ZNF823: variants seen among roughly 807,000 people sequenced by gnomAD.
ZNF823 encodes zinc finger protein 823.
A neutral mutation model predicts 11.4 loss-of-function variants in ZNF823; 5 were observed. The observed-to-expected ratio is 0.44, with a 90% CI of 0.23 to 0.92. ZNF823 has a LOEUF of 0.92. Ranked by LOEUF, ZNF823 falls within the 40% of genes least tolerant of loss-of-function variation. The pLI is 0.24. For missense variants in ZNF823, 582 were observed against 738.5 expected (o/e 0.79, Z 2.46); for synonymous variants, 234 against 250.5 (o/e 0.93, Z 0.62).
chr19:11,722,244 G>C lies in ZNF823; in HGVS notation c.1290C>G (p.Ser430=), dbSNP rs759144227. 1 of 1,613,668 alleles carries C rather than the reference G, an allele frequency of 6.2e-7. No individual in the cohort carries two copies. Among genetic ancestry groups the C allele is most frequent in the Non-Finnish European group, 8.5e-7 (1 of 1,179,922 alleles). ...QCGKAFSLAG[S]LRRHEATHTG... ...TGTGAGTTGCTTCATGTCTTCGAAG[G>C]GAACCGGCAAGACTGAAGGCTTTAC... Residue 430 remains serine, a synonymous_variant, in exon 4 of 4, where the codon TCC becomes TCG. Transcript: ENST00000341191. The surrounding 1 kb of genome is among the most constrained non-coding windows in gnomAD (Gnocchi z 5.2).
intron 1 of ZNF823, among the ~76,000 whole-genome samples, chr19:11,726,816 ACT>A (rs1160832123): frequency 6.6e-6 from 1 of 152,188 alleles, no homozygotes; most frequent in African/African-American, 2.4e-5. Context: ...ATGAAGAAAC[ACT>A]CTGGACACTG....
rs555718243 is a variant in ZNF823 at position 11,721,408 on chromosome 19, G to A, written c.*293C>T. 3.7e-6 allele frequency: 1 copy of A among 267,708 alleles called. No homozygotes were observed. Among genetic ancestry groups the A allele is most frequent in the African/African-American group, 2.2e-5 (1 of 45,212 alleles). 16.6% of individuals were successfully genotyped at this position (267,708 alleles called of 1,614,324 possible). A position where few individuals can be genotyped will look rare whatever the true frequency, so the allele number is the denominator to read the frequency against. ...ATACAATCAAACAACTATTTACATA[G>A]CTTTTACAATGCATGAGGTATTAAA... On this transcript the variant is annotated 3_prime_UTR_variant, in exon 4 of 4. Coordinates refer to ENST00000341191, the MANE Select transcript of ZNF823 (RefSeq NM_001080493.4).
At chr19:11,733,365 CA>C (rs34650100) in intron 1 of ZNF823, among the ~76,000 whole-genome samples, 124 of 95,410 alleles carry the variant, frequency 1.3e-3, no homozygotes, top group South Asian at 7.0e-3. Context: ...GACTCCATCT[CA>C]AAAAAAAAAA....
rs1555766612 is a variant in ZNF823 at position 11,726,287 on chromosome 19, C to CATATACACATATATATATATATATATAT, written c.4-961_4-960insATATATATATATATATATATGTGTATAT. ...AGTAAAAAACAAAAAATAAAAAATA[C>CATATACACATATATATATATATATATAT]ATATATATATATATATATATAAATT... On this transcript the variant is annotated intron_variant, in intron 1 of 3. Coordinates refer to ENST00000341191, the MANE Select transcript of ZNF823 (RefSeq NM_001080493.4). Among the ~76,000 whole-genome samples, 131 of 112,226 alleles carry CATATACACATATATATATATATATATAT rather than the reference C, an allele frequency of 1.2e-3. 2 individuals carry two copies. The highest frequency in any genetic ancestry group is 2.0e-3 in the Non-Finnish European group (102 of 50,146). 73.6% of individuals were successfully genotyped at this position (112,226 alleles called of 152,430 possible). A position where few individuals can be genotyped will look rare whatever the true frequency, so the allele number is the denominator to read the frequency against.
intron 1 of ZNF823, 146 bp downstream of exon 1, chr19:11,738,671 G>T: frequency 9.0e-7 from 1 of 1,111,348 alleles, no homozygotes; most frequent in Non-Finnish European, 1.2e-6. Context: ...CGGCCCAGGG[G>T]ACCAAGGGCA....
At chr19:11,737,262 TTTTC>T (rs1286203778) in intron 1 of ZNF823, among the ~76,000 whole-genome samples, 2 of 152,010 alleles carry the variant, frequency 1.3e-5, no homozygotes, top group African/African-American at 4.8e-5. Flanking sequence ...ACTATTTTTT[TTTTC>T]TTTTTCTTTT....
In ZNF823 at chr19:11,730,661, G is replaced by A. The variant is rs998638285; in HGVS notation, c.4-5334C>T. 1.2e-4 allele frequency: 19 copies of A among 152,166 alleles called. No homozygotes were observed. The East Asian group carries it at 2.1e-3, about 17-fold the overall frequency. The allele number at this position is 152,166 out of a possible 1,614,324, so 9.4% of individuals were successfully genotyped here. A position where few individuals can be genotyped will look rare whatever the true frequency, so the allele number is the denominator to read the frequency against. Reference sequence around the variant, plus strand: ...CCATACAGAAAAAATGCTCAACACCGATGTTAATCAGTAAAAAGCAACATC... The same window carrying A: ...CCATACAGAAAAAATGCTCAACACCAATGTTAATCAGTAAAAAGCAACATC... On this transcript the variant is annotated intron_variant, in intron 1 of 3. Transcript: ENST00000341191.
At position 11,722,713 on chromosome 19, in the gene ZNF823, T is replaced by C. The variant is rs201804719; in HGVS notation, c.821A>G (p.Lys274Arg). The change falls in exon 4 of 4, where the codon AAA (lysine) becomes AGA (arginine). Residue 274 changes from lysine (K) to arginine (R), a missense_variant. By Grantham distance (26) the Lys-to-Arg change is conservative. Coordinates refer to ENST00000341191, the MANE Select transcript of ZNF823 (RefSeq NM_001080493.4). This position sits in a 1 kb window ranked among gnomAD's most constrained non-coding sequence, Gnocchi z 5.2. Reference sequence around the variant, plus strand: ...CCCACATTGTGTACATTTATAGGGTTTCTCTCCGGTGTGAGTTCTCTCATG... The same window carrying C: ...CCCACATTGTGTACATTTATAGGGTCTCTCTCCGGTGTGAGTTCTCTCATG... Reference protein sequence around the residue: ...LRHERTHTGEKPYKCTQCGKA... With the variant: ...LRHERTHTGERPYKCTQCGKA... 158 of 1,614,240 alleles carry C rather than the reference T, an allele frequency of 9.8e-5. No individual in the cohort carries two copies. Among genetic ancestry groups the C allele is most frequent in the Non-Finnish European group, 1.3e-4 (154 of 1,180,046 alleles).
At chr19:11,731,808 G>C (rs1297705831) in intron 1 of ZNF823, among the ~76,000 whole-genome samples, 1 of 152,014 alleles carries the variant, frequency 6.6e-6, no homozygotes, top group Non-Finnish European at 1.5e-5. Context: ...TCAGGAGTTC[G>C]AGACCTGCCT....
chr19:11,731,084 G>A (rs900710850), intron 1 of ZNF823, among the ~76,000 whole-genome samples: 11 of 151,692 alleles, frequency 7.3e-5, no homozygotes, highest in African/African-American at 1.7e-4. Flanking sequence ...AGGCTGAGGC[G>A]GGTGGATCAC....
At chr19:11,729,383 CATAAAG>C (rs1202770024) in intron 1 of ZNF823, among the ~76,000 whole-genome samples, 1 of 152,084 alleles carries the variant, frequency 6.6e-6, no homozygotes, top group East Asian at 1.9e-4. Flanking sequence ...GAAGAGATTT[CATAAAG>C]ATAAAGAAGT....
rs191151374 is a variant in ZNF823 at position 11,738,863 on chromosome 19, G to A, written c.-44C>T. The A allele has an allele frequency of 2.0e-5, 32 of 1,600,100 alleles. 1 individual carries two copies. In the African/African-American group the frequency reaches 3.2e-4, roughly 16 times the overall value. On this transcript the variant is annotated 5_prime_UTR_variant, in exon 1 of 4. Coordinates refer to ENST00000341191, the MANE Select transcript of ZNF823 (RefSeq NM_001080493.4). ...CCGGGTGTCCTCCTTAAAAGCCAGTGTGGGTCCCAGCGCGACAGACGCTGA... is the reference window on the plus strand; with the variant it reads ...CCGGGTGTCCTCCTTAAAAGCCAGTATGGGTCCCAGCGCGACAGACGCTGA...
intron 1 of ZNF823, among the ~76,000 whole-genome samples, chr19:11,735,274 CAAAAAACAAAAAAA>C (rs1974973051): frequency 1.8e-5 from 1 of 55,830 alleles, no homozygotes; most frequent in African/African-American, 6.6e-5. Flanking sequence ...GACTCCATTT[CAAAAAACAAAAAAA>C]AAAAAAAAAA....
rs541606507 is a variant in ZNF823 at position 11,738,751 on chromosome 19, G to A, written c.3+66C>T. On this transcript the variant is annotated intron_variant, in intron 1 of 3. Coordinates refer to ENST00000341191, the MANE Select transcript of ZNF823 (RefSeq NM_001080493.4). ...CAGGGCGAGGCCCGGGTCCCCTCAC[G>A]GTCGGTTCCGGCCGGTTCCAACCTG... 1.2e-5 allele frequency: 19 copies of A among 1,540,948 alleles called. 1 individual carries two copies. In the South Asian group the frequency reaches 1.9e-4, roughly 15 times the overall value.
At chr19:11,727,456 G>A (rs1038128347) in intron 1 of ZNF823, among the ~76,000 whole-genome samples, 1 of 152,056 alleles carries the variant, frequency 6.6e-6, no homozygotes, top group African/African-American at 2.4e-5. Context: ...ACTGCAATGA[G>A]CCAAGATCAT....
chr19:11,728,250 T>C (rs1381471329), intron 1 of ZNF823, among the ~76,000 whole-genome samples: 1 of 152,108 alleles, frequency 6.6e-6, no homozygotes, highest in African/African-American at 2.4e-5. Flanking sequence ...CTTCAAAATG[T>C]TGCAAAATAC....
chr19:11,721,741 A>G lies in ZNF823; in HGVS notation c.1793T>C (p.Leu598Ser), dbSNP rs2145200273. The G allele has an allele frequency of 1.2e-6, 2 of 1,613,752 alleles. No individual in the cohort carries two copies. The highest frequency in any genetic ancestry group is 2.2e-5 in the East Asian group (1 of 44,870). The part of the protein sequence containing the change: ...CGKALSSLRS[L>S]HRHKRTHWKD... The stretch of plus-strand genomic sequence containing the variant: ...CCAGTGAGTCCTTTTATGTCTATGC[A>G]AGGAACGGAGAGAACTCAATGCTTT... The change falls in exon 4 of 4, where the codon TTG becomes TCG. Residue 598 changes from leucine to serine, a missense_variant. This residue lies in a region of ZNF823 where 144 missense variants were observed against 154.3 expected (regional missense o/e 0.93). Transcript: ENST00000341191.
In ZNF823 at chr19:11,737,914, G is replaced by A. The variant is rs553403021; in HGVS notation, c.3+903C>T. On this transcript the variant is annotated intron_variant, in intron 1 of 3. Coordinates refer to ENST00000341191, the MANE Select transcript of ZNF823 (RefSeq NM_001080493.4). ...TCGGAGGGAAACCGGTCACCTTTGG[G>A]AAGAAAGAAGGGACTGGGGAACCCA... Among the ~76,000 whole-genome samples, 3 of 152,204 alleles carry A rather than the reference G, an allele frequency of 2.0e-5. No individual in the cohort carries two copies. In the South Asian group the frequency reaches 6.2e-4, roughly 32 times the overall value.
Position 11,722,196 on chromosome 19 carries a change from A to G in ZNF823, c.1338T>C (p.Cys446=). The part of the protein sequence containing the change: ...ATHTGVKPYK[C]QCGKAFSDLS... ...GATCACTAAAGGCTTTCCCACACTGACATTTATAGGGTTTCACTCCAGTGT... is the reference window on the plus strand; with the variant it reads ...GATCACTAAAGGCTTTCCCACACTGGCATTTATAGGGTTTCACTCCAGTGT... Residue 446 remains cysteine (C), a synonymous_variant, in exon 4 of 4, where the codon TGT becomes TGC. Transcript: ENST00000341191. The surrounding 1 kb of genome is among the most constrained non-coding windows in gnomAD (Gnocchi z 5.2). The G allele has an allele frequency of 6.2e-7, 1 of 1,613,780 alleles. No homozygotes were observed.
Sources: allele counts gnomAD v4.1 joint callset (sites outside exome capture counted in the v4.1 genomes callset), GRCh38; gene constraint gnomAD v4.1.1; regional missense constraint gnomAD v4.1.1; non-coding constraint Gnocchi (gnomAD v3.1); transcripts MANE v1.5; gene names NCBI Gene and HGNC (gene_info 2026-07-23, HGNC 2026-07-21).